MPPED2: variants seen among roughly 807,000 people sequenced by gnomAD.
MPPED2 encodes the protein metallophosphoesterase domain containing 2, also known as metallophosphoesterase MPPED2.
Under a neutral mutation model 33.0 loss-of-function variants are expected in MPPED2, and 5 were observed. The observed-to-expected ratio is 0.15, with a 90% CI of 0.08 to 0.32. The LOEUF (loss-of-function observed/expected upper bound fraction) is 0.32. Among genes scored for constraint, MPPED2 ranks in the 10% least tolerant of loss-of-function variants. The probability of loss-of-function intolerance (pLI) is 1.00; values close to 1 mark genes in which losing one functional copy is unlikely to be tolerated. For missense variants in MPPED2, 275 were observed against 372.1 expected, an observed-to-expected ratio of 0.74 and a Z score of 2.15; for synonymous variants, 136 against 141.9, an observed-to-expected ratio of 0.96 and a Z score of 0.29.
At chr11:30,407,325 G>A (rs1565036852), downstream of MPPED2, among the ~76,000 whole-genome samples, 1 of 152,216 alleles carries the variant, frequency 6.6e-6, no homozygotes, top group East Asian at 1.9e-4. Context: ...TGAGAAATAA[G>A]CAGATCTGTG....
intron 3 of MPPED2, among the ~76,000 whole-genome samples, chr11:30,503,080 G>A (rs1206904053): frequency 2.0e-5 from 3 of 152,070 alleles, no homozygotes; most frequent in Non-Finnish European, 4.4e-5. Flanking sequence ...CACGTGTTGT[G>A]GGAAGGATCT....
At chr11:30,441,280 G>A (rs956258543) in intron 4 of MPPED2, 1 of 152,204 alleles carries the variant, frequency 6.6e-6, no homozygotes, top group Non-Finnish European at 1.5e-5. Flanking sequence ...GTTCCCAGGA[G>A]TTATTGCTGG....
chr11:30,553,075 G>A (rs950003172), intron 2 of MPPED2, among the ~76,000 whole-genome samples: 1 of 152,092 alleles, frequency 6.6e-6, no homozygotes, highest in African/African-American at 2.4e-5. Context: ...ACCCACCTCT[G>A]CTGCCTGTGT....
At chr11:30,405,049 G>C (rs539869288) in intron 6 of MPPED2, among the ~76,000 whole-genome samples, 1 of 152,226 alleles carries the variant, frequency 6.6e-6, no homozygotes, top group South Asian at 2.1e-4. Context: ...GCACCAAAGG[G>C]GGGTGTTCTG....
chr11:30,401,845 C>T (rs1947912597), intron 6 of MPPED2, among the ~76,000 whole-genome samples: 4 of 135,836 alleles, frequency 2.9e-5, no homozygotes, highest in Non-Finnish European at 6.7e-5. Flanking sequence ...CTACCATGGC[C>T]AGCTAATTTT....
chr11:30,450,212 C>T (rs926045209), intron 4 of MPPED2, among the ~76,000 whole-genome samples: 1 of 152,182 alleles, frequency 6.6e-6, no homozygotes, highest in African/African-American at 2.4e-5. Flanking sequence ...ATTAATTGAG[C>T]ATCTGCTACT....
chr11:30,512,940 G>A (rs571765174), intron 3 of MPPED2, among the ~76,000 whole-genome samples: 48 of 151,966 alleles, frequency 3.2e-4, no homozygotes, highest in Admixed American at 2.9e-3. Context: ...GCAGAGTTGC[G>A]CTGACCCAAG....
At chr11:30,493,789 C>T (rs374462766) in intron 4 of MPPED2, among the ~76,000 whole-genome samples, 2 of 152,216 alleles carry the variant, frequency 1.3e-5, no homozygotes, top group East Asian at 3.8e-4. Context: ...ATATTCTCTT[C>T]AGTCCACTGC....
chr11:30,579,002 CTTTTT>C (rs57264756), intron 2 of MPPED2, among the ~76,000 whole-genome samples: 1 of 141,070 alleles, frequency 7.1e-6, no homozygotes. Flanking sequence ...TTGTCTTTTC[CTTTTT>C]TTTTTTTTTT....
rs943348131 is a variant in MPPED2, at chr11:30,414,123, C to A, written c.766+105G>T. 51 of 726,444 alleles carry A rather than the reference C, an allele frequency of 7.0e-5. No homozygotes were observed. The East Asian group carries it at 1.3e-3, about 19-fold the overall frequency. The allele number at this position is 726,444 out of a possible 1,614,324, so 45.0% of individuals were successfully genotyped here. The stretch of plus-strand genomic sequence containing the variant: ...AAGACTTCATCTTATAAAAGGGTCC[C>A]GCTGCTAAAAAGTTTGAAAACAACT... On this transcript the variant is annotated intron_variant, in intron 6 of 6. Coordinates refer to ENST00000358117, the MANE Select transcript of MPPED2 (RefSeq NM_001584.3).
Position 30,410,917 on chromosome 11 carries a change from C to A in MPPED2, c.*551G>T, listed in dbSNP as rs1437701957. On this transcript the variant is annotated 3_prime_UTR_variant, in exon 7 of 7. Coordinates refer to ENST00000358117, the MANE Select transcript of MPPED2 (RefSeq NM_001584.3). ...AATGACAGCCATTTTCTTCTCAATGCAGCTTTCTTTATAGTGAGAGTATGA... is the reference window on the plus strand; with the variant it reads ...AATGACAGCCATTTTCTTCTCAATGAAGCTTTCTTTATAGTGAGAGTATGA... The A allele has an allele frequency of 3.0e-6, 3 of 985,626 alleles. No individual in the cohort carries two copies. Among genetic ancestry groups the A allele is most frequent in the Admixed American group, 6.1e-5 (1 of 16,264 alleles). The allele number at this position is 985,626 out of a possible 1,614,324, so 61.1% of individuals were successfully genotyped here.
chr11:30,391,384 A>C (rs1947773747), intron 6 of MPPED2, among the ~76,000 whole-genome samples: 1 of 152,176 alleles, frequency 6.6e-6, no homozygotes, highest in African/African-American at 2.4e-5. Flanking sequence ...TCATTGAGGA[A>C]ATCTGGGCCA....
At position 30,439,694 on chromosome 11, in the gene MPPED2, C is replaced by T. The variant is rs967704430; in HGVS notation, c.537-22061G>A. 2.6e-5 allele frequency among the ~76,000 whole-genome samples: 4 copies of T among 152,160 alleles called. No individual in the cohort carries two copies. In the East Asian group the frequency reaches 7.7e-4, roughly 29 times the overall value. On this transcript the variant is annotated intron_variant, in intron 4 of 6. Coordinates refer to ENST00000358117, the MANE Select transcript of MPPED2 (RefSeq NM_001584.3). ...ATACATGCTTCTTCTCATGAATTGC[C>T]TCCTATAGCCCAAGTAAACGAGAAC...
At chr11:30,561,908 A>G (rs140721788) in intron 2 of MPPED2, among the ~76,000 whole-genome samples, 1 of 152,240 alleles carries the variant, frequency 6.6e-6, no homozygotes, top group Non-Finnish European at 1.5e-5. Context: ...ATCATTTACA[A>G]ACAGTAACCT....
intron 4 of MPPED2, among the ~76,000 whole-genome samples, chr11:30,458,009 G>A (rs923267665): frequency 2.0e-5 from 3 of 152,156 alleles, no homozygotes; most frequent in Non-Finnish European, 2.9e-5. Context: ...CCCCACATAC[G>A]ATAAGCAATT....
chr11:30,533,920 C>T (rs1954673050), intron 3 of MPPED2, among the ~76,000 whole-genome samples: 1 of 152,230 alleles, frequency 6.6e-6, no homozygotes, highest in African/African-American at 2.4e-5. Flanking sequence ...TTCTGATCTA[C>T]TAAATAATTC....
chr11:30,423,184 C>T (rs566070054), intron 4 of MPPED2, among the ~76,000 whole-genome samples: 16 of 152,240 alleles, frequency 1.1e-4, no homozygotes, highest in South Asian at 2.1e-4. Flanking sequence ...GCAATTTACT[C>T]CCCCACAAAC....
At chr11:30,417,968 C>T (rs1948450016) in intron 4 of MPPED2, among the ~76,000 whole-genome samples, 2 of 152,252 alleles carry the variant, frequency 1.3e-5, no homozygotes, top group Admixed American at 6.5e-5. Context: ...CAAAGCATTT[C>T]CACCCTTCCT....
At chr11:30,525,404 G>T (rs1007371800) in intron 3 of MPPED2, among the ~76,000 whole-genome samples, 4 of 152,036 alleles carry the variant, frequency 2.6e-5, no homozygotes, top group Non-Finnish European at 5.9e-5. Context: ...TCAAAGAGCC[G>T]CTTTTTTATT....
Sources: allele counts gnomAD v4.1 joint callset (sites outside exome capture counted in the v4.1 genomes callset), GRCh38; gene constraint gnomAD v4.1.1; transcripts MANE v1.5; gene names NCBI Gene and HGNC (gene_info 2026-07-23, HGNC 2026-07-21).